Variants in ELL observed in about 807,000 individuals in gnomAD.
ELL encodes the protein RNA polymerase II elongation factor ELL.
Under a neutral mutation model 64.0 loss-of-function variants are expected in ELL, and 18 were observed. The observed-to-expected ratio is 0.28, with a 90% CI of 0.19 to 0.42. The LOEUF is 0.42. Among genes scored for constraint, ELL ranks in the 10% least tolerant of loss-of-function variants. The pLI is 1.00. For synonymous variants in ELL, 399 were observed against 376.2 expected (o/e 1.06, Z -0.70); for missense variants, 797 against 870.4 (o/e 0.92, Z 1.06).
rs1314515467 is a variant in ELL, at chr19:18,449,527, C to T, written c.1465+950G>A. On this transcript the variant is annotated intron_variant, in intron 8 of 11. Transcript: ENST00000262809. The surrounding 1 kb of genome is among the most constrained non-coding windows in gnomAD (Gnocchi z 4.4). ...GTTGTGAGGACCTGCTCTCCAGCCA[C>T]AGCAGGGGACGGGGCATGGCCCTCT... 2.6e-5 allele frequency among the ~76,000 whole-genome samples: 4 copies of T among 152,200 alleles called. No individual in the cohort carries two copies. Among genetic ancestry groups the T allele is most frequent in the African/African-American group, 9.7e-5 (4 of 41,442 alleles).
chr19:18,500,640 A>T (rs1447521940), intron 1 of ELL, among the ~76,000 whole-genome samples: 2 of 152,168 alleles, frequency 1.3e-5, no homozygotes, highest in African/African-American at 4.8e-5. Context: ...GGTCGGCATA[A>T]CACTGGTGCC....
intron 6 of ELL, among the ~76,000 whole-genome samples, chr19:18,456,995 C>G (rs1974694057): frequency 6.6e-6 from 1 of 151,954 alleles, no homozygotes; most frequent in African/African-American, 2.4e-5. Flanking sequence ...CAGAGGGGCA[C>G]CGCAGGTCAC....
intron 1 of ELL, among the ~76,000 whole-genome samples, chr19:18,513,479 A>G (rs115979326): frequency 0.019 from 2,942 of 152,302 alleles, 97 homozygotes; most frequent in African/African-American, 0.068. Context: ...AACACGGTAC[A>G]CCCAGGCGAG....
intron 11 of ELL, 74 bp from the exon 12 acceptor site, chr19:18,444,942 C>T: frequency 2.7e-6 from 4 of 1,464,080 alleles, no homozygotes; most frequent in East Asian, 4.6e-5. Flanking sequence ...AGGCCAGTGT[C>T]CCCCCCAAAC....
At chr19:18,456,858 C>A (rs1342261052) in intron 6 of ELL, among the ~76,000 whole-genome samples, 1 of 151,912 alleles carries the variant, frequency 6.6e-6, no homozygotes, top group Admixed American at 6.6e-5. Context: ...TGGGCTAGCC[C>A]AGCTGGTAAC....
chr19:18,460,578 C>T (rs770910766), intron 5 of ELL, among the ~76,000 whole-genome samples: 7 of 152,242 alleles, frequency 4.6e-5, no homozygotes, highest in Non-Finnish European at 1.0e-4. Flanking sequence ...GGACGAGGGC[C>T]AGGCTGACAT....
intron 2 of ELL, 75 bp downstream of exon 2, chr19:18,472,760 C>G: frequency 2.0e-6 from 3 of 1,521,698 alleles, no homozygotes; most frequent in South Asian, 2.4e-5. Context: ...GCTGCTGTAC[C>G]CAGCGAGCAA....
chr19:18,507,161 C>T (rs1568398687), intron 1 of ELL, among the ~76,000 whole-genome samples: 1 of 152,296 alleles, frequency 6.6e-6, no homozygotes, highest in East Asian at 1.9e-4. Flanking sequence ...GAGCATCCAA[C>T]TCCAAAAATA....
chr19:18,468,472 C>T (rs1014267880), intron 2 of ELL, among the ~76,000 whole-genome samples: 25 of 152,214 alleles, frequency 1.6e-4, no homozygotes, highest in Admixed American at 5.2e-4. Context: ...ACTGGAAACA[C>T]GCTGCTGGGA....
chr19:18,472,682 G>T (rs1201082442), intron 2 of ELL, 153 bp downstream of exon 2: 4 of 903,666 alleles, frequency 4.4e-6, no homozygotes, highest in Non-Finnish European at 6.7e-6. Context: ...CCAGCCAAGG[G>T]GCTATCCTGG....
chr19:18,474,324 T>C lies in ELL; in HGVS notation c.136-1442A>G, dbSNP rs192462837. On this transcript the variant is annotated intron_variant, in intron 1 of 11. Transcript: ENST00000262809. ...AGCTGTATACATATGACATGCATAG[T>C]GCCCAGAGTGGGAGGCACCGAGTGC... Among the ~76,000 whole-genome samples, 267 of 152,352 alleles carry C rather than the reference T, an allele frequency of 1.8e-3. 3 individuals are homozygous for C. The highest frequency in any genetic ancestry group is 2.1e-3 in the Non-Finnish European group (143 of 68,034).
chr19:18,467,358 T>TC (rs1374343307), intron 2 of ELL, among the ~76,000 whole-genome samples: 1 of 151,814 alleles, frequency 6.6e-6, no homozygotes, highest in Non-Finnish European at 1.5e-5. Context: ...CTCGAACATG[T>TC]CCCCCTAAGG....
intron 9 of ELL, 27 bp downstream of exon 9, chr19:18,446,721 G>T: frequency 6.2e-7 from 1 of 1,613,358 alleles, no homozygotes; most frequent in Non-Finnish European, 8.5e-7. Context: ...GGGAGGCCTG[G>T]CCTGCAGGGC....
At chr19:18,509,079 T>C (rs542637843) in intron 1 of ELL, among the ~76,000 whole-genome samples, 2 of 152,030 alleles carry the variant, frequency 1.3e-5, no homozygotes, top group Admixed American at 6.5e-5. Context: ...GGAGCAAACA[T>C]GAGGTGGACG....
intron 1 of ELL, among the ~76,000 whole-genome samples, chr19:18,473,480 G>A (rs1368739756): frequency 6.6e-6 from 1 of 152,246 alleles, no homozygotes; most frequent in African/African-American, 2.4e-5. Flanking sequence ...GGAGCCTGGG[G>A]TGGGAGCCTG....
intron 6 of ELL, among the ~76,000 whole-genome samples, chr19:18,452,676 G>C (rs1275826507): frequency 6.6e-6 from 1 of 152,244 alleles, no homozygotes; most frequent in South Asian, 2.1e-4. Context: ...ATCACTGCTG[G>C]TGGGGCTGCA....
chr19:18,454,762 A>T (rs1974618324), intron 6 of ELL, among the ~76,000 whole-genome samples: 2 of 145,988 alleles, frequency 1.4e-5, no homozygotes, highest in South Asian at 4.4e-4. Context: ...AATCACTTGA[A>T]CCTGGGAGGC....
At chr19:18,520,530 G>A (rs1976242570) in intron 1 of ELL, among the ~76,000 whole-genome samples, 1 of 152,074 alleles carries the variant, frequency 6.6e-6, no homozygotes, top group African/African-American at 2.4e-5. Context: ...TGCGACACCG[G>A]GACAGGGAGG....
chr19:18,500,658 C>T (rs1448977540), intron 1 of ELL, among the ~76,000 whole-genome samples: 5 of 152,166 alleles, frequency 3.3e-5, no homozygotes, highest in Non-Finnish European at 7.3e-5. Flanking sequence ...GCCCTGCAAC[C>T]TCTTGGCGAG....
Sources: gnomAD v4.1 joint callset for allele counts (sites outside exome capture counted in the v4.1 genomes callset) on GRCh38, gnomAD v4.1.1 for gene constraint, Gnocchi (gnomAD v3.1) non-coding constraint, MANE v1.5 for transcripts, NCBI Gene and HGNC (gene_info 2026-07-23, HGNC 2026-07-21) for gene names.